NTF3: variants seen among roughly 807,000 people sequenced by gnomAD.
NTF3 encodes the protein neurotrophin 3.
In NTF3, 8 loss-of-function variants were observed where a neutral mutation model predicts 26.3. The observed-to-expected ratio is 0.30, with a 90% CI of 0.18 to 0.55. The LOEUF (loss-of-function observed/expected upper bound fraction) is 0.55, where lower values mean the gene tolerates loss of function less well. NTF3 is among the 20% of genes least tolerant of loss of function. NTF3 has a pLI of 0.93. For missense variants in NTF3, 276 were observed against 352.9 expected, an observed-to-expected ratio of 0.78 and a Z score of 1.75; for synonymous variants, 154 against 145.5, an observed-to-expected ratio of 1.06 and a Z score of -0.42.
intron 1 of NTF3, among the ~76,000 whole-genome samples, chr12:5,472,188 A>T (rs74855522): frequency 0.018 from 2,803 of 152,246 alleles, 85 homozygotes; most frequent in African/African-American, 0.06. Context: ...CCCTCATGGA[A>T]TGGATAAGAA....
intron 1 of NTF3, among the ~76,000 whole-genome samples, chr12:5,434,472 A>AGTGTGT (rs59874216): frequency 0.083 from 11,858 of 142,678 alleles, 562 homozygotes; most frequent in African/African-American, 0.11. Context: ...GTTTTTCCAA[A>AGTGTGT]GTGTGTGTGT....
chr12:5,447,948 G>A (rs182790788), intron 1 of NTF3, among the ~76,000 whole-genome samples: 1 of 152,346 alleles, frequency 6.6e-6, no homozygotes, highest in East Asian at 1.9e-4. Context: ...GGGTAGCTTA[G>A]TGAGGGACAT....
intron 1 of NTF3, among the ~76,000 whole-genome samples, chr12:5,432,900 C>G (rs921386785): frequency 1.3e-5 from 2 of 152,112 alleles, no homozygotes; most frequent in Non-Finnish European, 2.9e-5. Flanking sequence ...CCCCTGCACA[C>G]GCCCTGCACT....
At chr12:5,481,403 T>C (rs904454343) in intron 1 of NTF3, among the ~76,000 whole-genome samples, 1 of 20,962 alleles carries the variant, frequency 4.8e-5, no homozygotes, top group African/African-American at 1.7e-4. Context: ...GCACACAGAA[T>C]AACAACACCA....
chr12:5,446,443 C>T (rs960762560), intron 1 of NTF3, among the ~76,000 whole-genome samples: 36 of 152,210 alleles, frequency 2.4e-4, no homozygotes, highest in African/African-American at 8.7e-4. Context: ...AAGCGCCTAT[C>T]CCCTCTGTTC....
At chr12:5,475,110 A>G (rs1251938560) in intron 1 of NTF3, among the ~76,000 whole-genome samples, 1 of 152,206 alleles carries the variant, frequency 6.6e-6, no homozygotes, top group African/African-American at 2.4e-5. Flanking sequence ...AGACGTATCT[A>G]CACATCAGCA....
intron 1 of NTF3, among the ~76,000 whole-genome samples, chr12:5,467,779 C>T (rs1479880538): frequency 1.3e-5 from 2 of 152,108 alleles, no homozygotes; most frequent in Non-Finnish European, 2.9e-5. Context: ...TAAATGCCGC[C>T]GTCATTTCAA....
At chr12:5,464,813 G>A (rs1432177279) in intron 1 of NTF3, among the ~76,000 whole-genome samples, 2 of 152,148 alleles carry the variant, frequency 1.3e-5, no homozygotes, top group African/African-American at 2.4e-5. Context: ...TATCCTATGT[G>A]CTTGATATAG....
chr12:5,479,425 AT>A (rs2121229001), intron 1 of NTF3, among the ~76,000 whole-genome samples: 1 of 152,364 alleles, frequency 6.6e-6, no homozygotes, highest in African/African-American at 2.4e-5. Flanking sequence ...TTTTGTAGAT[AT>A]GAGGGCTCTC....
chr12:5,436,954 C>T (rs918338617), intron 1 of NTF3, among the ~76,000 whole-genome samples: 6 of 152,152 alleles, frequency 3.9e-5, no homozygotes, highest in South Asian at 4.1e-4. Context: ...AGAAATGTGA[C>T]GTGGAGAACA....
chr12:5,493,745 C>T (rs1435541105), intron 1 of NTF3, among the ~76,000 whole-genome samples: 5 of 152,090 alleles, frequency 3.3e-5, no homozygotes, highest in South Asian at 2.1e-4. Context: ...GGGGAGCAGT[C>T]GAACTCTTTC....
At position 5,473,294 on chromosome 12, in the gene NTF3, T is replaced by A. The variant is rs138373409; in HGVS notation, c.19-20900T>A. Among the ~76,000 whole-genome samples the A allele has an allele frequency of 2.1e-3, 313 of 152,332 alleles. 1 individual carries two copies. The highest frequency in any genetic ancestry group is 3.4e-3 in the Non-Finnish European group (228 of 68,034). On this transcript the variant is annotated intron_variant, in intron 1 of 1. Coordinates refer to ENST00000423158, the MANE Select transcript of NTF3 (RefSeq NM_001102654.2). ...CTAGGACCGCATGAGGCACTGGAGC[T>A]GCAGATAGCAAGGAAATGTGGGCCC...
At chr12:5,454,637 A>C (rs1290659865) in intron 1 of NTF3, among the ~76,000 whole-genome samples, 1 of 152,240 alleles carries the variant, frequency 6.6e-6, no homozygotes, top group East Asian at 1.9e-4. Context: ...CCACACCAGC[A>C]ACAATAACAA....
chr12:5,479,254 G>A (rs560068003), intron 1 of NTF3, among the ~76,000 whole-genome samples: 2 of 152,358 alleles, frequency 1.3e-5, no homozygotes, highest in East Asian at 3.9e-4. Flanking sequence ...AGAAGTGGAT[G>A]CAGAACTTGG....
upstream of NTF3, among the ~76,000 whole-genome samples, chr12:5,430,412 T>C (rs1940070153): frequency 6.6e-6 from 1 of 151,426 alleles, no homozygotes; most frequent in African/African-American, 2.4e-5. Flanking sequence ...AAGACGTCGA[T>C]ATTTTGGCAC....
At chr12:5,473,884 C>T (rs1444998214) in intron 1 of NTF3, among the ~76,000 whole-genome samples, 2 of 152,234 alleles carry the variant, frequency 1.3e-5, no homozygotes, top group Non-Finnish European at 2.9e-5. Flanking sequence ...TCACCCATGT[C>T]ATCCATCATC....
chr12:5,469,015 G>C (rs1228505856), intron 1 of NTF3, among the ~76,000 whole-genome samples: 1 of 152,110 alleles, frequency 6.6e-6, no homozygotes, highest in African/African-American at 2.4e-5. Context: ...CAGCTACTGG[G>C]GAGGCTGAGG....
At chr12:5,491,752 C>T (rs1940940577) in intron 1 of NTF3, among the ~76,000 whole-genome samples, 1 of 126,124 alleles carries the variant, frequency 7.9e-6, no homozygotes, top group Non-Finnish European at 1.6e-5. Flanking sequence ...TGGAGTCTTG[C>T]TCTGTCGCCC....
intron 1 of NTF3, among the ~76,000 whole-genome samples, chr12:5,458,915 A>C (rs889815823): frequency 3.9e-5 from 6 of 152,124 alleles, no homozygotes; most frequent in African/African-American, 1.4e-4. Flanking sequence ...AACCTTGCTC[A>C]CTCACATGGG....
Sources: gnomAD v4.1 joint callset for allele counts (sites outside exome capture counted in the v4.1 genomes callset) on GRCh38, gnomAD v4.1.1 for gene constraint, MANE v1.5 for transcripts, NCBI Gene and HGNC (gene_info 2026-07-23, HGNC 2026-07-21) for gene names.